Variants in KCTD8 observed in about 807,000 individuals in gnomAD.
KCTD8 encodes potassium channel tetramerization domain containing 8, also known as BTB/POZ domain-containing protein KCTD8.
A neutral mutation model predicts 31.5 loss-of-function variants in KCTD8; 27 were observed. The observed-to-expected ratio is 0.86, with a 90% CI of 0.63 to 1.18. The LOEUF is 1.18. Ranked by LOEUF, KCTD8 falls within the 50% of genes most tolerant of loss-of-function variation. KCTD8 has a pLI of 0.00. For synonymous variants in KCTD8, 290 were observed against 280.0 expected, an observed-to-expected ratio of 1.04 and a Z score of -0.36; for missense variants, 658 against 647.7, an observed-to-expected ratio of 1.02 and a Z score of -0.17.
chr4:44,339,898 T>A (rs1296489834), intron 1 of KCTD8, among the ~76,000 whole-genome samples: 1 of 152,174 alleles, frequency 6.6e-6, no homozygotes, highest in Non-Finnish European at 1.5e-5. Context: ...ATGAAAGACT[T>A]GTACACAATA....
chr4:44,379,077 T>C (rs770808046), intron 1 of KCTD8, among the ~76,000 whole-genome samples: 2 of 152,094 alleles, frequency 1.3e-5, no homozygotes, highest in African/African-American at 2.4e-5. Flanking sequence ...TGTGATTATA[T>C]TGGGCCCACA....
intron 1 of KCTD8, among the ~76,000 whole-genome samples, chr4:44,295,128 A>G (rs1338412386): frequency 2.6e-5 from 4 of 152,022 alleles, no homozygotes; most frequent in African/African-American, 7.3e-5. Context: ...CCCTGTCTCC[A>G]TATTTTAAAA....
chr4:44,280,425 G>C (rs937662236), intron 1 of KCTD8, among the ~76,000 whole-genome samples: 1 of 151,870 alleles, frequency 6.6e-6, no homozygotes, highest in Non-Finnish European at 1.5e-5. Context: ...TATCACCGTC[G>C]AGAGCTGCAT....
At chr4:44,324,893 T>G (rs1718402574) in intron 1 of KCTD8, among the ~76,000 whole-genome samples, 2 of 152,046 alleles carry the variant, frequency 1.3e-5, no homozygotes, top group Admixed American at 1.3e-4. Flanking sequence ...CAGACTGGCC[T>G]TATGTTACTA....
intron 1 of KCTD8, among the ~76,000 whole-genome samples, chr4:44,325,031 T>C (rs1348588369): frequency 6.6e-6 from 1 of 151,952 alleles, no homozygotes; most frequent in Non-Finnish European, 1.5e-5. Context: ...TGAGAACAAA[T>C]AGGGTGGAAA....
intron 1 of KCTD8, among the ~76,000 whole-genome samples, chr4:44,358,208 C>T (rs1719395766): frequency 6.6e-6 from 1 of 152,068 alleles, no homozygotes; most frequent in Non-Finnish European, 1.5e-5. Flanking sequence ...CACCCATGTC[C>T]CTGCAAAGGA....
At chr4:44,247,998 T>C (rs1021278566) in intron 1 of KCTD8, among the ~76,000 whole-genome samples, 1 of 151,960 alleles carries the variant, frequency 6.6e-6, no homozygotes, top group African/African-American at 2.4e-5. Flanking sequence ...AGAATTGAAA[T>C]TAGAATCTTG....
At chr4:44,364,499 T>C (rs186622234) in intron 1 of KCTD8, among the ~76,000 whole-genome samples, 144 of 152,270 alleles carry the variant, frequency 9.5e-4, no homozygotes, top group African/African-American at 3.4e-3. Flanking sequence ...TGTACAGCCC[T>C]TTGGAAAACA....
Position 44,267,429 on chromosome 4 carries a change from A to T in KCTD8, c.962-92179T>A, listed in dbSNP as rs549528636. ...GGGAAATTTATAGCACTAAATGCCC[A>T]CAAGAGAAAGCAGGAAAGATCCAAA... On this transcript the variant is annotated intron_variant, in intron 1 of 1. Coordinates refer to ENST00000360029, the MANE Select transcript of KCTD8 (RefSeq NM_198353.3). 2.8e-4 allele frequency among the ~76,000 whole-genome samples: 42 copies of T among 152,348 alleles called. 1 individual carries two copies. The highest frequency in any genetic ancestry group is 4.4e-5 in the Non-Finnish European group (3 of 68,024).
At chr4:44,343,991 G>A (rs541150937) in intron 1 of KCTD8, among the ~76,000 whole-genome samples, 7 of 150,206 alleles carry the variant, frequency 4.7e-5, no homozygotes, top group Non-Finnish European at 7.4e-5. Context: ...CCCAGGTAGC[G>A]GGGACTACAG....
chr4:44,405,749 G>A (rs1720778488), intron 1 of KCTD8, among the ~76,000 whole-genome samples: 1 of 148,260 alleles, frequency 6.7e-6, no homozygotes, highest in Non-Finnish European at 1.5e-5. Context: ...TCTTAATGGT[G>A]GTCAATGTTA....
intron 1 of KCTD8, among the ~76,000 whole-genome samples, chr4:44,178,680 T>C (rs1713289221): frequency 6.6e-6 from 1 of 152,096 alleles, no homozygotes; most frequent in Admixed American, 6.5e-5. Context: ...ATAGAGTTAC[T>C]CAGGCAGAGA....
At chr4:44,309,594 C>T (rs1007507869) in intron 1 of KCTD8, among the ~76,000 whole-genome samples, 15 of 152,084 alleles carry the variant, frequency 9.9e-5, no homozygotes, top group African/African-American at 2.7e-4. Flanking sequence ...AATTTTATAA[C>T]TGTCACAAAA....
At chr4:44,257,074 T>G (rs1716012227) in intron 1 of KCTD8, among the ~76,000 whole-genome samples, 1 of 151,926 alleles carries the variant, frequency 6.6e-6, no homozygotes, top group Non-Finnish European at 1.5e-5. Context: ...TTATAGAAAA[T>G]GTAAATAGTC....
At chr4:44,355,991 CT>C (rs1719331802) in intron 1 of KCTD8, among the ~76,000 whole-genome samples, 4 of 152,076 alleles carry the variant, frequency 2.6e-5, no homozygotes. Context: ...AAAATGACCA[CT>C]AAACTTAGAA....
At chr4:44,314,253 A>G (rs1203740791) in intron 1 of KCTD8, among the ~76,000 whole-genome samples, 1 of 152,186 alleles carries the variant, frequency 6.6e-6, no homozygotes, top group Non-Finnish European at 1.5e-5. Flanking sequence ...GAGAAAAAAC[A>G]GAGAGATAGA....
intron 1 of KCTD8, among the ~76,000 whole-genome samples, chr4:44,229,328 C>T (rs989897309): frequency 2.0e-5 from 3 of 152,092 alleles, no homozygotes; most frequent in African/African-American, 7.2e-5. Flanking sequence ...ACCTGTCGTG[C>T]TAAAGTGTTA....
At chr4:44,438,421 G>T (rs1204597850) in intron 1 of KCTD8, among the ~76,000 whole-genome samples, 3 of 152,072 alleles carry the variant, frequency 2.0e-5, no homozygotes, top group Non-Finnish European at 2.9e-5. Context: ...GCCCTCATCA[G>T]AAATATAAAT....
intron 1 of KCTD8, among the ~76,000 whole-genome samples, chr4:44,307,442 C>T (rs527701991): frequency 6.6e-6 from 1 of 151,906 alleles, no homozygotes. Flanking sequence ...CTTGCTCATG[C>T]GTGATCATTT....
Sources: gnomAD v4.1 joint callset for allele counts (sites outside exome capture counted in the v4.1 genomes callset) on GRCh38, gnomAD v4.1.1 for gene constraint, MANE v1.5 for transcripts, NCBI Gene and HGNC (gene_info 2026-07-23, HGNC 2026-07-21) for gene names.